Variants in GPC5 observed in about 807,000 individuals in gnomAD.
The protein encoded by GPC5 is glypican 5.
Under a neutral mutation model 53.9 loss-of-function variants are expected in GPC5, and 47 were observed. The ratio of observed to expected loss-of-function variants is 0.87; its 90% CI spans 0.69 to 1.11. The LOEUF is 1.11. GPC5 is among the 50% of genes most tolerant of loss of function. GPC5 has a pLI of 0.00. For synonymous variants in GPC5, 286 were observed against 263.3 expected, an observed-to-expected ratio of 1.09 and a Z score of -0.84; for missense variants, 748 against 713.1, an observed-to-expected ratio of 1.05 and a Z score of -0.56.
intron 3 of GPC5, among the ~76,000 whole-genome samples, chr13:91,707,724 G>A (rs1234800615): frequency 6.6e-6 from 1 of 152,200 alleles, no homozygotes; most frequent in Non-Finnish European, 1.5e-5. Flanking sequence ...AAATGCTGCA[G>A]TCACTTTGGA....
At chr13:92,807,383 G>A (rs1877135590) in intron 7 of GPC5, among the ~76,000 whole-genome samples, 1 of 152,056 alleles carries the variant, frequency 6.6e-6, no homozygotes, top group African/African-American at 2.4e-5. Flanking sequence ...AGTTTATGGA[G>A]AAGAATGAAT....
intron 7 of GPC5, among the ~76,000 whole-genome samples, chr13:92,480,371 T>G (rs1879303182): frequency 6.6e-6 from 1 of 152,124 alleles, no homozygotes; most frequent in Admixed American, 6.5e-5. Context: ...TAATCTTTAT[T>G]CTTAGGACAG....
At chr13:92,810,449 T>A (rs982907341) in intron 7 of GPC5, among the ~76,000 whole-genome samples, 4 of 151,948 alleles carry the variant, frequency 2.6e-5, no homozygotes, top group Non-Finnish European at 5.9e-5. Flanking sequence ...ATATTTAACA[T>A]AAAATTAACC....
intron 7 of GPC5, among the ~76,000 whole-genome samples, chr13:92,303,282 A>AAAGGGTGCCTGAG (rs1409499561): frequency 1.3e-5 from 2 of 152,168 alleles, no homozygotes; most frequent in Non-Finnish European, 2.9e-5. Context: ...GTGGTGGTCT[A>AAAGGGTGCCTGAG]AAGGGTGCCT....
chr13:92,728,252 G>A (rs139070929), intron 7 of GPC5, among the ~76,000 whole-genome samples: 37 of 151,538 alleles, frequency 2.4e-4, no homozygotes, highest in African/African-American at 8.9e-4. Flanking sequence ...AGATTGATGA[G>A]CATATCTTTT....
At chr13:92,790,754 A>T (rs1411226689) in intron 7 of GPC5, among the ~76,000 whole-genome samples, 1 of 152,086 alleles carries the variant, frequency 6.6e-6, no homozygotes, top group Non-Finnish European at 1.5e-5. Flanking sequence ...GACAAGAGAC[A>T]TTTCCTAATG....
chr13:91,896,408 C>G (rs187122649), intron 5 of GPC5, among the ~76,000 whole-genome samples: 304 of 152,288 alleles, frequency 2.0e-3, no homozygotes, highest in Admixed American at 3.7e-3. Context: ...CATGAGCCAC[C>G]GCACTGGCCC....
At chr13:92,397,518 G>A (rs1466536896) in intron 7 of GPC5, among the ~76,000 whole-genome samples, 1 of 152,148 alleles carries the variant, frequency 6.6e-6, no homozygotes, top group Non-Finnish European at 1.5e-5. Flanking sequence ...GCGTGAAAAC[G>A]GACTAATACA....
At chr13:91,950,108 G>A (rs2040012668) in intron 6 of GPC5, among the ~76,000 whole-genome samples, 1 of 152,014 alleles carries the variant, frequency 6.6e-6, no homozygotes, top group Admixed American at 6.6e-5. Context: ...CAGGTACAGA[G>A]TTGGGCCCCA....
intron 7 of GPC5, among the ~76,000 whole-genome samples, chr13:92,242,718 G>A (rs1251292917): frequency 6.6e-6 from 1 of 152,068 alleles, no homozygotes; most frequent in Non-Finnish European, 1.5e-5. Context: ...TTCATGCGTA[G>A]GAGACAAAGC....
intron 6 of GPC5, among the ~76,000 whole-genome samples, chr13:92,017,500 G>A (rs1036293605): frequency 1.3e-5 from 2 of 151,816 alleles, no homozygotes; most frequent in Non-Finnish European, 2.9e-5. Flanking sequence ...CAGACTTCAG[G>A]GTTGTCTTAT....
chr13:92,135,957 C>T (rs886469394), intron 6 of GPC5, among the ~76,000 whole-genome samples: 15 of 152,046 alleles, frequency 9.9e-5, no homozygotes, highest in African/African-American at 1.4e-4. Flanking sequence ...TTTATGTACA[C>T]GGTATTTCTA....
At chr13:92,286,140 C>T (rs2042952771) in intron 7 of GPC5, among the ~76,000 whole-genome samples, 1 of 152,200 alleles carries the variant, frequency 6.6e-6, no homozygotes. Flanking sequence ...AAAAAATGCT[C>T]ATCATCACTG....
chr13:92,495,407 C>A (rs1030471337), intron 7 of GPC5, among the ~76,000 whole-genome samples: 2 of 152,092 alleles, frequency 1.3e-5, no homozygotes, highest in Admixed American at 1.3e-4. Context: ...TCATACCTAG[C>A]AGCATACCAT....
intron 2 of GPC5, among the ~76,000 whole-genome samples, chr13:91,575,730 G>A (rs965530677): frequency 1.3e-5 from 2 of 151,860 alleles, no homozygotes; most frequent in African/African-American, 2.4e-5. Flanking sequence ...AGACCAATTG[G>A]GTGGCTACAA....
intron 7 of GPC5, among the ~76,000 whole-genome samples, chr13:92,302,237 T>TC (rs1394768529): frequency 1.3e-5 from 2 of 152,142 alleles, no homozygotes; most frequent in Non-Finnish European, 2.9e-5. Flanking sequence ...GATTTTTTTT[T>TC]CTCTATTATG....
In GPC5 at chr13:92,341,822, T is replaced by A. The variant is rs570323810; in HGVS notation, c.1561+196833T>A. 2.0e-4 allele frequency among the ~76,000 whole-genome samples: 31 copies of A among 152,158 alleles called. No individual in the cohort carries two copies. In the South Asian group the frequency reaches 2.5e-3, roughly 12 times the overall value. Reference sequence around the variant, plus strand: ...AAAACGTAGTATAGTCAATAAAATATTAAGAAAATCTAGGCTGTTGCGTTT... The same window carrying A: ...AAAACGTAGTATAGTCAATAAAATAATAAGAAAATCTAGGCTGTTGCGTTT... On this transcript the variant is annotated intron_variant, in intron 7 of 7. Coordinates refer to ENST00000377067, the MANE Select transcript of GPC5 (RefSeq NM_004466.6).
intron 2 of GPC5, among the ~76,000 whole-genome samples, chr13:91,499,181 C>T (rs571340955): frequency 1.3e-5 from 2 of 152,160 alleles, no homozygotes; most frequent in African/African-American, 4.8e-5. Flanking sequence ...GGGTTTCCAC[C>T]TCAGGTAACA....
Position 92,224,120 on chromosome 13 carries a change from G to A in GPC5, c.1561+79131G>A, listed in dbSNP as rs544757103. Among the ~76,000 whole-genome samples, 5 of 152,126 alleles carry A rather than the reference G, an allele frequency of 3.3e-5. No individual in the cohort carries two copies. In the East Asian group the frequency reaches 9.7e-4, roughly 29 times the overall value. On this transcript the variant is annotated intron_variant, in intron 7 of 7. Coordinates refer to ENST00000377067, the MANE Select transcript of GPC5 (RefSeq NM_004466.6). ...AAGATTATGGTGACTTAGAATTATT[G>A]TTTAAAGAAAAACCTGAACTCTAAA...
Sources: gnomAD v4.1 joint callset for allele counts (sites outside exome capture counted in the v4.1 genomes callset) on GRCh38, gnomAD v4.1.1 for gene constraint, MANE v1.5 for transcripts, NCBI Gene and HGNC (gene_info 2026-07-23, HGNC 2026-07-21) for gene names.